Variants in RNF11 observed in about 807,000 individuals in gnomAD.
RNF11 encodes the protein ring finger protein 11.
Under a neutral mutation model 15.8 loss-of-function variants are expected in RNF11, and 4 were observed. The observed-to-expected ratio is 0.25, with a 90% CI of 0.12 to 0.58. RNF11 has a LOEUF of 0.58. Ranked by LOEUF, RNF11 falls within the 20% of genes least tolerant of loss-of-function variation. RNF11 has a pLI of 0.91. For synonymous variants in RNF11, 68 were observed against 72.3 expected, an observed-to-expected ratio of 0.94 and a Z score of 0.30; for missense variants, 139 against 194.4, an observed-to-expected ratio of 0.71 and a Z score of 1.70.
chr1:51,264,369 C>T (rs1224029198), intron 1 of RNF11, among the ~76,000 whole-genome samples: 1 of 134,744 alleles, frequency 7.4e-6, no homozygotes, highest in Non-Finnish European at 1.5e-5. Context: ...GTGATGCTAG[C>T]TTTTACATCT....
intron 1 of RNF11, among the ~76,000 whole-genome samples, chr1:51,262,715 CTTTTT>C (rs35542254): frequency 1.1e-4 from 9 of 84,092 alleles, no homozygotes; most frequent in Non-Finnish European, 1.1e-4. Context: ...GCCTGCTAAT[CTTTTT>C]TTTTTTTTTT....
At chr1:51,264,280 AAAAAAAAATATATATATATATAT>A (rs1432027756) in intron 1 of RNF11, among the ~76,000 whole-genome samples, 3 of 95,690 alleles carry the variant, frequency 3.1e-5, no homozygotes, top group African/African-American at 1.4e-4. Context: ...AAAAAAAAAA[AAAAAAAAATATATATATATATAT>A]ATATATATAT....
chr1:51,257,851 T>TC (rs1301339553), intron 1 of RNF11, among the ~76,000 whole-genome samples: 1 of 136,742 alleles, frequency 7.3e-6, no homozygotes, highest in East Asian at 2.0e-4. Flanking sequence ...TTCTTTTCTT[T>TC]TCTTTTTTTT....
chr1:51,257,531 T>C (rs1019642354), intron 1 of RNF11, among the ~76,000 whole-genome samples: 2 of 152,194 alleles, frequency 1.3e-5, no homozygotes, highest in East Asian at 3.8e-4. Flanking sequence ...CTCAGCTCAC[T>C]GCAACCTCTG....
rs538876033 is a variant in RNF11 at position 51,248,062 on chromosome 1, G to A, written c.123+11183G>A. 3.3e-5 allele frequency among the ~76,000 whole-genome samples: 5 copies of A among 150,740 alleles called. No homozygotes were observed. In the South Asian group the frequency reaches 1.0e-3, roughly 32 times the overall value. On this transcript the variant is annotated intron_variant, in intron 1 of 2. Coordinates refer to ENST00000242719, the MANE Select transcript of RNF11 (RefSeq NM_014372.5). ...CATAATTGAGTAGCGAGGCCTTAAG[G>A]GTAAGAAATACCATGCTTGATACCT...
At chr1:51,260,225 T>G (rs2148071947) in intron 1 of RNF11, among the ~76,000 whole-genome samples, 1 of 152,344 alleles carries the variant, frequency 6.6e-6, no homozygotes, top group African/African-American at 2.4e-5. Flanking sequence ...TCCAGTTCAT[T>G]GCTGGTATTT....
chr1:51,266,705 C>T (rs1363114405), intron 1 of RNF11, among the ~76,000 whole-genome samples: 2 of 152,154 alleles, frequency 1.3e-5, no homozygotes, highest in Non-Finnish European at 2.9e-5. Context: ...TCAAGCTATC[C>T]GCCTGTCTTG....
At chr1:51,268,099 C>T (rs1039836462) in intron 1 of RNF11, among the ~76,000 whole-genome samples, 1 of 152,154 alleles carries the variant, frequency 6.6e-6, no homozygotes, top group African/African-American at 2.4e-5. Flanking sequence ...GTCTGTTAGC[C>T]AACAATTGAA....
chr1:51,244,182 A>G (rs575982078), intron 1 of RNF11, among the ~76,000 whole-genome samples: 26 of 152,250 alleles, frequency 1.7e-4, no homozygotes, highest in South Asian at 1.2e-3. Flanking sequence ...TAGAACTACA[A>G]TTTTCACAAA....
intron 1 of RNF11, among the ~76,000 whole-genome samples, chr1:51,253,126 T>C (rs1274182192): frequency 6.6e-6 from 1 of 152,096 alleles, no homozygotes; most frequent in Non-Finnish European, 1.5e-5. Context: ...CGCCCGACGT[T>C]GTCCAGTTTT....
chr1:51,252,978 C>G (rs1350342601), intron 1 of RNF11, among the ~76,000 whole-genome samples: 1 of 151,830 alleles, frequency 6.6e-6, no homozygotes, highest in African/African-American at 2.4e-5. Flanking sequence ...AGGCGCCCAC[C>G]ACGCGCGGCT....
At position 51,270,109 on chromosome 1, in the gene RNF11, GA is replaced by G; in HGVS notation, c.284del (p.Lys95ArgfsTer6). The G allele has an allele frequency of 1.3e-6, 2 of 1,590,674 alleles. No homozygotes were observed. The highest frequency in any genetic ancestry group is 1.4e-5 in the African/African-American group (1 of 73,414). On this transcript the variant is annotated frameshift_variant, in exon 2 of 3. Transcript: ENST00000242719. LOFTEE classifies it high-confidence loss of function. ...TTATGACCCTGGAAGAGATGGATCAGAAAAAAAGATCCGGGAGTAAGTTTTA... is the reference window on the plus strand; with the variant it reads ...TTATGACCCTGGAAGAGATGGATCAGAAAAAAGATCCGGGAGTAAGTTTTA... ...GVYDPGRDGS[E>X]KKIRECVICM...
At chr1:51,252,142 A>G (rs1316230619) in intron 1 of RNF11, among the ~76,000 whole-genome samples, 3 of 150,724 alleles carry the variant, frequency 2.0e-5, no homozygotes, top group Admixed American at 1.3e-4. Flanking sequence ...CTGTAAATGT[A>G]TTTTCTCTTC....
chr1:51,257,073 A>G (rs1462998356), intron 1 of RNF11, among the ~76,000 whole-genome samples: 1 of 152,136 alleles, frequency 6.6e-6, no homozygotes, highest in Non-Finnish European at 1.5e-5. Context: ...GATTTTCACC[A>G]TTCTGATAGG....
In RNF11 at chr1:51,242,325, C is replaced by CTTTTTT. The variant is rs57821900; in HGVS notation, c.123+5460_123+5465dup. Among the ~76,000 whole-genome samples, 446 of 131,104 alleles carry CTTTTTT rather than the reference C, an allele frequency of 3.4e-3. 4 individuals are homozygous for CTTTTTT. The highest frequency in any genetic ancestry group is 0.012 in the African/African-American group (424 of 35,080). The allele number at this position is 131,104 out of a possible 152,430, so 86.0% of individuals were successfully genotyped here. A position where few individuals can be genotyped will look rare whatever the true frequency, so the allele number is the denominator to read the frequency against. ...CTGCATAAAGCTTTCTTCAAGATACCTTTTTTTTTTTTTTTTTTTGGCTGG... is the reference window on the plus strand; with the variant it reads ...CTGCATAAAGCTTTCTTCAAGATACCTTTTTTTTTTTTTTTTTTTTTTTTTGGCTGG... On this transcript the variant is annotated intron_variant, in intron 1 of 2. Transcript: ENST00000242719.
At chr1:51,258,998 G>A (rs576603153) in intron 1 of RNF11, among the ~76,000 whole-genome samples, 1 of 152,162 alleles carries the variant, frequency 6.6e-6, no homozygotes, top group Non-Finnish European at 1.5e-5. Context: ...CCAGAAAAAG[G>A]ACATGTATCC....
chr1:51,253,127 G>T (rs1235726752), intron 1 of RNF11, among the ~76,000 whole-genome samples: 1 of 152,048 alleles, frequency 6.6e-6, no homozygotes, highest in Non-Finnish European at 1.5e-5. Context: ...GCCCGACGTT[G>T]TCCAGTTTTT....
intron 1 of RNF11, among the ~76,000 whole-genome samples, chr1:51,256,920 C>T (rs538869459): frequency 7.9e-5 from 12 of 152,290 alleles, no homozygotes; most frequent in African/African-American, 1.7e-4. Flanking sequence ...GTGATCCTCC[C>T]GCCTTGGCTT....
intron 1 of RNF11, among the ~76,000 whole-genome samples, chr1:51,245,742 G>A (rs1419374594): frequency 6.6e-6 from 1 of 152,156 alleles, no homozygotes; most frequent in Non-Finnish European, 1.5e-5. Flanking sequence ...GAGCTACTGG[G>A]CTGGACACCA....
Sources: allele counts gnomAD v4.1 joint callset (sites outside exome capture counted in the v4.1 genomes callset), GRCh38; gene constraint gnomAD v4.1.1; transcripts MANE v1.5; gene names NCBI Gene and HGNC (gene_info 2026-07-23, HGNC 2026-07-21).